The following LCP1 variants were observed in gnomAD, a reference collection of about 807,000 sequenced individuals.
The protein encoded by LCP1 is lymphocyte cytosolic protein 1.
Under a neutral mutation model 72.0 loss-of-function variants are expected in LCP1, and 23 were observed. The observed-to-expected ratio is 0.32, with a 90% CI of 0.23 to 0.45. LCP1 has a LOEUF of 0.45. Ranked by LOEUF, LCP1 falls within the 20% of genes least tolerant of loss-of-function variation. The pLI is 1.00. For synonymous variants in LCP1, 245 were observed against 275.4 expected, an observed-to-expected ratio of 0.89 and a Z score of 1.09; for missense variants, 571 against 748.3, an observed-to-expected ratio of 0.76 and a Z score of 2.76.
At position 46,144,658 on chromosome 13, in the gene LCP1, G is replaced by A; in HGVS notation, c.1175-138C>T. ...AAATAAAATAAACTGTATTGGATTT[G>A]GACGAGGGTTCTTATACTGTGTTAA... On this transcript the variant is annotated intron_variant, in intron 10 of 15. Coordinates refer to ENST00000323076, the MANE Select transcript of LCP1 (RefSeq NM_002298.5). 6.2e-6 allele frequency: 4 copies of A among 647,156 alleles called. No homozygotes were observed. The South Asian group carries it at 7.2e-5, about 12-fold the overall frequency. The allele number at this position is 647,156 out of a possible 1,614,324, so 40.1% of individuals were successfully genotyped here.
At chr13:46,145,577 G>GA (rs200893136) in intron 10 of LCP1, among the ~76,000 whole-genome samples, 29 of 149,008 alleles carry the variant, frequency 1.9e-4, no homozygotes, top group East Asian at 1.4e-3. Flanking sequence ...GGTGACTAAA[G>GA]AAAAAAAAAT....
At chr13:46,137,523 A>G (rs973411649) in intron 13 of LCP1, among the ~76,000 whole-genome samples, 7 of 152,320 alleles carry the variant, frequency 4.6e-5, no homozygotes, top group Non-Finnish European at 8.8e-5. Context: ...CTGGGCAACA[A>G]GAGCAAAACT....
intron 1 of LCP1, among the ~76,000 whole-genome samples, chr13:46,175,580 A>C (rs949062247): frequency 4.6e-5 from 7 of 152,072 alleles, no homozygotes; most frequent in Non-Finnish European, 8.8e-5. Flanking sequence ...GTGGGTACGG[A>C]GGGAGGAGAA....
At chr13:46,152,050 G>A (rs1306491874) in intron 7 of LCP1, among the ~76,000 whole-genome samples, 7 of 152,172 alleles carry the variant, frequency 4.6e-5, no homozygotes, top group Non-Finnish European at 1.0e-4. Context: ...TAGATTTAAG[G>A]TGTGTAACGT....
At position 46,127,658 on chromosome 13, in the gene LCP1, TCAAC is replaced by T; in HGVS notation, c.1813_1816del (p.Val605LysfsTer2). 2 of 1,614,162 alleles carry T rather than the reference TCAAC, an allele frequency of 1.2e-6. No individual in the cohort carries two copies. The highest frequency in any genetic ancestry group is 1.7e-6 in the Non-Finnish European group (2 of 1,180,028). On this transcript the variant is annotated frameshift_variant, in exon 16 of 16. Coordinates refer to ENST00000323076, the MANE Select transcript of LCP1 (RefSeq NM_002298.5). LOFTEE classifies it high-confidence loss of function. ...GGTCATGACCATTTTGGGGTTCACTTCAACCAGGTCTTCTGGCAGGGCATACACT... is the reference window on the plus strand; with the variant it reads ...GGTCATGACCATTTTGGGGTTCACTTCAGGTCTTCTGGCAGGGCATACACT...
intron 4 of LCP1, among the ~76,000 whole-genome samples, chr13:46,157,439 CT>C (rs971268105): frequency 6.6e-6 from 1 of 151,978 alleles, no homozygotes; most frequent in South Asian, 2.1e-4. Flanking sequence ...TGGATATAAT[CT>C]TTTTTTCCTA....
intron 1 of LCP1, among the ~76,000 whole-genome samples, chr13:46,175,741 C>T (rs895058307): frequency 6.6e-6 from 1 of 152,030 alleles, no homozygotes; most frequent in Non-Finnish European, 1.5e-5. Context: ...TCCAAGGTGC[C>T]TACCATATTC....
chr13:46,170,994 C>T (rs771216608), intron 1 of LCP1, among the ~76,000 whole-genome samples: 3 of 152,168 alleles, frequency 2.0e-5, no homozygotes, highest in African/African-American at 7.2e-5. Context: ...TTTTTTTCTT[C>T]ATTCATCAGA....
chr13:46,160,980 A>G (rs2045834719), intron 1 of LCP1, among the ~76,000 whole-genome samples: 2 of 152,308 alleles, frequency 1.3e-5, no homozygotes, highest in South Asian at 4.1e-4. Context: ...CAACAACCAC[A>G]CCAAACAGAA....
At chr13:46,142,196 C>A in intron 13 of LCP1, 96 bp downstream of exon 13, 1 of 1,257,252 alleles carries the variant, frequency 8.0e-7, no homozygotes. Flanking sequence ...TTAAAACATA[C>A]TTTTACTGAA....
At chr13:46,128,703 A>G (rs2045616488) in intron 15 of LCP1, among the ~76,000 whole-genome samples, 1 of 152,374 alleles carries the variant, frequency 6.6e-6, no homozygotes, top group East Asian at 1.9e-4. Flanking sequence ...TATAATATAG[A>G]GTAGCCAGAG....
intron 8 of LCP1, among the ~76,000 whole-genome samples, chr13:46,150,722 G>A (rs1251071339): frequency 2.6e-5 from 4 of 152,038 alleles, no homozygotes; most frequent in African/African-American, 4.8e-5. Context: ...AACTCCAATC[G>A]AGACACTGCA....
chr13:46,146,837 T>A, intron 10 of LCP1, 71 bp downstream of exon 10: 1 of 1,435,814 alleles, frequency 7.0e-7, no homozygotes, highest in Non-Finnish European at 9.8e-7. Flanking sequence ...GCTTAGGAAG[T>A]GAGTTTGAAT....
intron 13 of LCP1, among the ~76,000 whole-genome samples, chr13:46,137,874 G>C (rs1479297303): frequency 2.6e-5 from 4 of 152,188 alleles, no homozygotes; most frequent in African/African-American, 9.7e-5. Context: ...AGGCACTAGA[G>C]GGATGTGATT....
intron 13 of LCP1, among the ~76,000 whole-genome samples, chr13:46,138,332 T>G (rs906905358): frequency 1.3e-5 from 2 of 152,242 alleles, no homozygotes; most frequent in Non-Finnish European, 2.9e-5. Context: ...AATAGATCTT[T>G]TAATATATAG....
At chr13:46,161,724 T>C (rs1430025331) in intron 1 of LCP1, among the ~76,000 whole-genome samples, 1 of 152,182 alleles carries the variant, frequency 6.6e-6, no homozygotes, top group Non-Finnish European at 1.5e-5. Context: ...AAAGAAAGCG[T>C]AACTGAAATA....
intron 7 of LCP1, among the ~76,000 whole-genome samples, chr13:46,151,815 T>C (rs1254184075): frequency 1.3e-5 from 2 of 152,224 alleles, no homozygotes; most frequent in Non-Finnish European, 2.9e-5. Context: ...ACAGATTTCA[T>C]ATTGGTAGGA....
chr13:46,150,818 C>A (rs1290202209), intron 8 of LCP1, 118 bp downstream of exon 8: 2 of 1,174,540 alleles, frequency 1.7e-6, no homozygotes, highest in East Asian at 2.4e-5. Flanking sequence ...CAAAACAGCA[C>A]CAGACTACCC....
chr13:46,166,838 G>A lies in LCP1; in HGVS notation c.-24-7152C>T, dbSNP rs559684940. On this transcript the variant is annotated intron_variant, in intron 1 of 15. Transcript: ENST00000323076. Reference sequence around the variant, plus strand: ...ACCACTGTAGGAGATCTTACTTTGCGAATATATGGAATTTACTATATATTC... The same window carrying A: ...ACCACTGTAGGAGATCTTACTTTGCAAATATATGGAATTTACTATATATTC... Among the ~76,000 whole-genome samples, 7 of 152,204 alleles carry A rather than the reference G, an allele frequency of 4.6e-5. No individual in the cohort carries two copies. In the East Asian group the frequency reaches 1.2e-3, roughly 25 times the overall value.
Sources: allele counts gnomAD v4.1 joint callset (sites outside exome capture counted in the v4.1 genomes callset), GRCh38; gene constraint gnomAD v4.1.1; transcripts MANE v1.5; gene names NCBI Gene and HGNC (gene_info 2026-07-23, HGNC 2026-07-21).